Variants in KHDRBS2 observed in about 807,000 individuals in gnomAD.
KHDRBS2 encodes the protein KH RNA binding domain containing, signal transduction associated 2.
In KHDRBS2, 26 loss-of-function variants were observed where a neutral mutation model predicts 44.3. The observed-to-expected ratio is 0.59, with a 90% CI of 0.43 to 0.81. KHDRBS2 has a LOEUF of 0.81. KHDRBS2 is among the 40% of genes least tolerant of loss of function. The pLI is 0.00. For synonymous variants in KHDRBS2, 194 were observed against 151.1 expected (o/e 1.28, Z -2.08); for missense variants, 476 against 433.1 (o/e 1.10, Z -0.88).
At chr6:62,048,077 G>GT in intron 2 of KHDRBS2, 83 bp from the exon 3 acceptor site, 1 of 665,326 alleles carries the variant, frequency 1.5e-6, no homozygotes, top group Admixed American at 1.9e-5. Flanking sequence ...TAGGTTATAG[G>GT]TTTTCCAAAC....
chr6:61,920,498 T>C (rs905570392), intron 4 of KHDRBS2, among the ~76,000 whole-genome samples: 4 of 152,010 alleles, frequency 2.6e-5, no homozygotes, highest in African/African-American at 9.7e-5. Flanking sequence ...TACATCTACC[T>C]TACCTTATTT....
At chr6:61,869,289 T>C (rs1198077324) in intron 6 of KHDRBS2, among the ~76,000 whole-genome samples, 1 of 152,208 alleles carries the variant, frequency 6.6e-6, no homozygotes, top group Non-Finnish European at 1.5e-5. Context: ...TTTTCTATTG[T>C]TTTTGCTAAT....
chr6:61,952,087 T>A (rs999622075), intron 4 of KHDRBS2, among the ~76,000 whole-genome samples: 1 of 152,070 alleles, frequency 6.6e-6, no homozygotes, highest in Non-Finnish European at 1.5e-5. Context: ...AGGCAAAATT[T>A]GTAAGATTGC....
the KHDRBS2 span, among the ~76,000 whole-genome samples, chr6:61,672,990 T>G: frequency 0.025 from 3,730 of 152,084 alleles, 72 homozygotes; most frequent in Middle Eastern, 0.075. Flanking sequence ...GTCTAAGGTT[T>G]AAGTCTTTAA....
chr6:61,847,544 C>T (rs988323898), intron 6 of KHDRBS2, among the ~76,000 whole-genome samples: 7 of 152,076 alleles, frequency 4.6e-5, no homozygotes, highest in Non-Finnish European at 1.0e-4. Flanking sequence ...GACAAACAGT[C>T]CTCAAGTACT....
At chr6:61,556,880 T>C in the KHDRBS2 span, among the ~76,000 whole-genome samples, 4 of 84,344 alleles carry the variant, frequency 4.7e-5, no homozygotes, top group Admixed American at 3.5e-4. Context: ...AGATTTTTTT[T>C]TTTTTTTTTT....
intron 4 of KHDRBS2, among the ~76,000 whole-genome samples, chr6:61,963,497 C>A (rs1263448980): frequency 1.3e-5 from 2 of 152,080 alleles, no homozygotes; most frequent in Non-Finnish European, 2.9e-5. Context: ...TTCTTCACTG[C>A]AGCACTCCTC....
chr6:61,980,449 C>A (rs1216497498), intron 3 of KHDRBS2, among the ~76,000 whole-genome samples: 1 of 152,092 alleles, frequency 6.6e-6, no homozygotes, highest in East Asian at 1.9e-4. Flanking sequence ...GGAAATAACT[C>A]TTATATTGCA....
intron 2 of KHDRBS2, among the ~76,000 whole-genome samples, chr6:62,084,377 AC>A (rs1798014780): frequency 6.6e-6 from 1 of 152,226 alleles, no homozygotes; most frequent in South Asian, 2.1e-4. Context: ...ATAAAACTCC[AC>A]CAAAGTTGAT....
intron 3 of KHDRBS2, among the ~76,000 whole-genome samples, chr6:62,026,023 T>C (rs1783245731): frequency 6.6e-6 from 1 of 152,098 alleles, no homozygotes. Flanking sequence ...GGATTATTAT[T>C]AGTATTCAAA....
At chr6:61,955,378 A>G in intron 4 of KHDRBS2, among the ~76,000 whole-genome samples, 1 of 114,948 alleles carries the variant, frequency 8.7e-6, no homozygotes, top group Non-Finnish European at 1.8e-5. Flanking sequence ...ACGTGTATAT[A>G]TACACATACG....
chr6:62,164,677 ATTCTAAC>A (rs1353227205), intron 2 of KHDRBS2, among the ~76,000 whole-genome samples: 1 of 151,908 alleles, frequency 6.6e-6, no homozygotes, highest in Non-Finnish European at 1.5e-5. Flanking sequence ...CAAATATATA[ATTCTAAC>A]ATAAATTGCT....
chr6:62,162,639 A>G (rs537756493), intron 2 of KHDRBS2, among the ~76,000 whole-genome samples: 39 of 152,250 alleles, frequency 2.6e-4, no homozygotes, highest in African/African-American at 9.4e-4. Flanking sequence ...AGGCTTCAGT[A>G]GTTACAGAAT....
chr6:61,829,926 A>G (rs1186000862), intron 6 of KHDRBS2, among the ~76,000 whole-genome samples: 1 of 152,098 alleles, frequency 6.6e-6, no homozygotes, highest in African/African-American at 2.4e-5. Context: ...TTAAAAACCC[A>G]CTTTTTCCAT....
intron 4 of KHDRBS2, among the ~76,000 whole-genome samples, chr6:61,953,708 C>A (rs374692372): frequency 1.3e-5 from 2 of 152,046 alleles, no homozygotes; most frequent in African/African-American, 4.8e-5. Flanking sequence ...CCCACCCATG[C>A]TCTAGAAATC....
At chr6:61,974,824 G>A (rs1191084662) in intron 4 of KHDRBS2, among the ~76,000 whole-genome samples, 5 of 151,838 alleles carry the variant, frequency 3.3e-5, no homozygotes, top group South Asian at 2.1e-4. Flanking sequence ...TCAGCTACTC[G>A]GGAGGCTGAG....
intron 6 of KHDRBS2, among the ~76,000 whole-genome samples, chr6:61,815,161 A>AG (rs1788715494): frequency 6.6e-6 from 1 of 151,976 alleles, no homozygotes; most frequent in South Asian, 2.1e-4. Flanking sequence ...CCATGGATAC[A>AG]GGGGGAAAAC....
chr6:62,066,018 C>G (rs1310419030), intron 2 of KHDRBS2, among the ~76,000 whole-genome samples: 1 of 151,466 alleles, frequency 6.6e-6, no homozygotes, highest in East Asian at 2.0e-4. Flanking sequence ...GTTTTTCATC[C>G]TGTGTGGAGA....
chr6:61,816,218 C>T (rs188222138), intron 6 of KHDRBS2, among the ~76,000 whole-genome samples: 3 of 152,116 alleles, frequency 2.0e-5, no homozygotes, highest in East Asian at 1.9e-4. Context: ...ATACTAACCC[C>T]GGAAAACTGT....
Sources: gnomAD v4.1 joint callset for allele counts (sites outside exome capture counted in the v4.1 genomes callset) on GRCh38, gnomAD v4.1.1 for gene constraint, MANE v1.5 for transcripts, NCBI Gene and HGNC (gene_info 2026-07-23, HGNC 2026-07-21) for gene names.